VAT1L: variants seen among roughly 807,000 people sequenced by gnomAD.
The protein encoded by VAT1L is vesicle amine transport 1 like.
In VAT1L, 34 loss-of-function variants were observed where a neutral mutation model predicts 44.1. That is an observed-to-expected ratio of 0.77 (90% CI 0.59 to 1.03). The LOEUF (loss-of-function observed/expected upper bound fraction) is 1.03. Among genes scored for constraint, VAT1L ranks in the 50% least tolerant of loss-of-function variants. The pLI is 0.00. For missense variants in VAT1L, 615 were observed against 538.8 expected, an observed-to-expected ratio of 1.14 and a Z score of -1.40; for synonymous variants, 253 against 202.2, an observed-to-expected ratio of 1.25 and a Z score of -2.13.
At chr16:77,862,705 G>A in intron 3 of VAT1L, 43 bp from the exon 4 acceptor site, 1 of 1,595,096 alleles carries the variant, frequency 6.3e-7, no homozygotes, top group East Asian at 2.3e-5. Flanking sequence ...GCTATGATCT[G>A]GTGGCTCCTA....
intron 7 of VAT1L, among the ~76,000 whole-genome samples, chr16:77,889,338 C>T (rs944436868): frequency 1.3e-5 from 2 of 152,170 alleles, no homozygotes; most frequent in Non-Finnish European, 2.9e-5. Flanking sequence ...ACTGCAGCCT[C>T]GGGTTTGCTT....
chr16:77,802,600 C>T (rs375409760), intron 1 of VAT1L, among the ~76,000 whole-genome samples: 2 of 136,030 alleles, frequency 1.5e-5, no homozygotes, highest in East Asian at 2.3e-4. Flanking sequence ...GGCAACAGAG[C>T]GAGACCCCAT....
rs779735198 is a variant in VAT1L at position 77,788,581 on chromosome 16, C to T, written c.-102C>T. ...CTGCAGCCATTGCACAGCCGAGCAT[C>T]CCACATTCAACAGGAGGAACCCGCG... On this transcript the variant is annotated 5_prime_UTR_variant, in exon 1 of 9. Coordinates refer to ENST00000302536, the MANE Select transcript of VAT1L (RefSeq NM_020927.3). 1.6e-3 allele frequency: 2,111 copies of T among 1,340,978 alleles called. 1 individual carries two copies. Among genetic ancestry groups the T allele is most frequent in the Non-Finnish European group, 2.0e-3 (1,959 of 978,836 alleles). 83.1% of individuals were successfully genotyped at this position (1,340,978 alleles called of 1,614,324 possible).
intron 7 of VAT1L, among the ~76,000 whole-genome samples, chr16:77,956,548 C>A (rs1449053025): frequency 6.6e-6 from 1 of 152,202 alleles, no homozygotes; most frequent in African/African-American, 2.4e-5. Flanking sequence ...TCTGCCTTGT[C>A]CTTTACATTT....
At chr16:77,902,652 C>G (rs576192673) in intron 7 of VAT1L, among the ~76,000 whole-genome samples, 1 of 142,252 alleles carries the variant, frequency 7.0e-6, no homozygotes, top group Admixed American at 7.8e-5. Context: ...ATCAATCAAT[C>G]AATCAATCAA....
intron 7 of VAT1L, among the ~76,000 whole-genome samples, chr16:77,957,027 T>C (rs530057522): frequency 2.0e-5 from 3 of 152,320 alleles, no homozygotes; most frequent in South Asian, 2.1e-4. Flanking sequence ...CTCTGACTTC[T>C]ATTAAAGTAA....
chr16:77,936,822 T>TG (rs1272019085), intron 7 of VAT1L, among the ~76,000 whole-genome samples: 1 of 152,162 alleles, frequency 6.6e-6, no homozygotes, highest in Non-Finnish European at 1.5e-5. Flanking sequence ...AAATCCCACT[T>TG]GCGAGTGGTC....
intron 7 of VAT1L, among the ~76,000 whole-genome samples, chr16:77,907,418 AT>A (rs1310368730): frequency 1.3e-5 from 2 of 152,102 alleles, no homozygotes; most frequent in Admixed American, 6.6e-5. Flanking sequence ...AACATTGAGA[AT>A]TTTTTGCTGT....
intron 2 of VAT1L, among the ~76,000 whole-genome samples, chr16:77,821,302 T>G (rs79671254): frequency 1.4e-5 from 2 of 147,346 alleles, no homozygotes; most frequent in African/African-American, 5.0e-5. Flanking sequence ...AATCTTGTCT[T>G]TTTTTTTTTT....
At chr16:77,792,735 A>G (rs915493364) in intron 1 of VAT1L, among the ~76,000 whole-genome samples, 1 of 152,200 alleles carries the variant, frequency 6.6e-6, no homozygotes, top group African/African-American at 2.4e-5. Flanking sequence ...TGGGTGAGGT[A>G]CAAACCACGC....
intron 3 of VAT1L, 47 bp downstream of exon 3, chr16:77,825,508 G>A: frequency 6.5e-7 from 1 of 1,540,544 alleles, no homozygotes; most frequent in Non-Finnish European, 8.8e-7. Flanking sequence ...CATGATGGTG[G>A]AAGTGGAGTG....
At chr16:77,943,561 G>A (rs554261103) in intron 7 of VAT1L, among the ~76,000 whole-genome samples, 29 of 150,822 alleles carry the variant, frequency 1.9e-4, no homozygotes, top group East Asian at 4.0e-4. Context: ...CACCACACCC[G>A]GCTAATTTAT....
At position 77,826,163 on chromosome 16, in the gene VAT1L, C is replaced by T. The variant is rs374744762; in HGVS notation, c.579+702C>T. 6.7e-5 allele frequency among the ~76,000 whole-genome samples: 10 copies of T among 150,072 alleles called. No individual in the cohort carries two copies. In the East Asian group the frequency reaches 1.6e-3, roughly 23 times the overall value. On this transcript the variant is annotated intron_variant, in intron 3 of 8. Coordinates refer to ENST00000302536, the MANE Select transcript of VAT1L (RefSeq NM_020927.3). The stretch of plus-strand genomic sequence containing the variant: ...CAGAGCTTGCAGTGAGCCGAGATCC[C>T]GCCACTGCACTCCAGCCTGGGCGAC...
intron 7 of VAT1L, among the ~76,000 whole-genome samples, chr16:77,890,662 C>T (rs1282680847): frequency 6.6e-6 from 1 of 152,160 alleles, no homozygotes; most frequent in Non-Finnish European, 1.5e-5. Flanking sequence ...GTGGCTCACA[C>T]CTGTTATCCC....
intron 1 of VAT1L, among the ~76,000 whole-genome samples, chr16:77,789,748 C>G (rs909039262): frequency 1.3e-5 from 2 of 152,154 alleles, no homozygotes; most frequent in Non-Finnish European, 2.9e-5. Flanking sequence ...TCAGAAGGAG[C>G]TCAGCTCTCT....
chr16:77,851,689 C>T (rs2016810144), intron 3 of VAT1L, among the ~76,000 whole-genome samples: 1 of 151,940 alleles, frequency 6.6e-6, no homozygotes, highest in Admixed American at 6.6e-5. Flanking sequence ...GAGCAGGGCC[C>T]TATAATCTAC....
intron 3 of VAT1L, among the ~76,000 whole-genome samples, chr16:77,851,429 G>C (rs983047302): frequency 6.6e-6 from 1 of 152,178 alleles, no homozygotes; most frequent in Non-Finnish European, 1.5e-5. Flanking sequence ...TGAAAGGATT[G>C]CTTGAGGCCA....
chr16:77,819,646 G>A (rs184472997), intron 2 of VAT1L, among the ~76,000 whole-genome samples: 6 of 152,292 alleles, frequency 3.9e-5, no homozygotes, highest in Non-Finnish European at 1.5e-5. Context: ...ACCTCCCAAA[G>A]TGCTGGGATT....
chr16:77,829,526 C>A (rs2016557202), intron 3 of VAT1L, among the ~76,000 whole-genome samples: 1 of 152,220 alleles, frequency 6.6e-6, no homozygotes, highest in Non-Finnish European at 1.5e-5. Flanking sequence ...CCCACTGCCT[C>A]CATGCTCTGT....
Sources: allele counts gnomAD v4.1 joint callset (sites outside exome capture counted in the v4.1 genomes callset), GRCh38; gene constraint gnomAD v4.1.1; transcripts MANE v1.5; gene names NCBI Gene and HGNC (gene_info 2026-07-23, HGNC 2026-07-21).